The following ADAMTS7 variants were observed in gnomAD, a reference collection of about 807,000 sequenced individuals.
The protein encoded by ADAMTS7 is ADAM metallopeptidase with thrombospondin type 1 motif 7.
A neutral mutation model predicts 172.6 loss-of-function variants in ADAMTS7; 89 were observed. The ratio of observed to expected loss-of-function variants is 0.52; its 90% CI spans 0.43 to 0.61. ADAMTS7 has a LOEUF of 0.61. ADAMTS7 is among the 20% of genes least tolerant of loss of function. The pLI, the probability that ADAMTS7 is intolerant of heterozygous loss-of-function variation, is 0.00. For synonymous variants in ADAMTS7, 885 were observed against 978.4 expected (o/e 0.90, Z 1.78); for missense variants, 1,973 against 2,355.6 (o/e 0.84, Z 3.36).
chr15:78,768,795 T>A (rs1319768702), intron 16 of ADAMTS7, among the ~76,000 whole-genome samples: 6 of 152,076 alleles, frequency 3.9e-5, no homozygotes, highest in African/African-American at 1.4e-4. Context: ...TATTTCCACA[T>A]CCAGGGACCC....
In ADAMTS7 at chr15:78,768,860, G is replaced by A. The variant is rs552289111; in HGVS notation, c.2519-601C>T. On this transcript the variant is annotated intron_variant, in intron 16 of 23. Transcript: ENST00000388820. ...GCCCAGGCTGGGGTGAGGGGTGACC[G>A]GGGCTGGGGCTTCAGCCTTGGGAAC... 2.0e-4 allele frequency among the ~76,000 whole-genome samples: 16 copies of A among 79,732 alleles called. No individual in the cohort carries two copies. The South Asian group carries it at 4.2e-3, about 21-fold the overall frequency. The allele number at this position is 79,732 out of a possible 152,430, so 52.3% of individuals were successfully genotyped here.
intron 18 of ADAMTS7, 132 bp downstream of exon 18, chr15:78,767,247 G>C (rs1292735622): frequency 1.6e-6 from 2 of 1,265,776 alleles, no homozygotes; most frequent in African/African-American, 3.0e-5. Context: ...TGAGGCTTTA[G>C]AGTCAGGGGC....
chr15:78,795,934 G>T (rs952948345), intron 4 of ADAMTS7, among the ~76,000 whole-genome samples: 2 of 152,174 alleles, frequency 1.3e-5, no homozygotes, highest in African/African-American at 4.8e-5. Flanking sequence ...GCTCTGCCCT[G>T]CCTGGTTGTG....
chr15:78,771,930 A>G lies in ADAMTS7; in HGVS notation c.2132-101T>C, dbSNP rs2055258190. The G allele has an allele frequency of 1.3e-6, 2 of 1,491,108 alleles. No individual in the cohort carries two copies. The highest frequency in any genetic ancestry group is 1.4e-5 in the African/African-American group (1 of 72,678). 92.4% of individuals were successfully genotyped at this position (1,491,108 alleles called of 1,614,324 possible). A position where few individuals can be genotyped will look rare whatever the true frequency, so the allele number is the denominator to read the frequency against. ...TCTCCCCACTTGCCTCCGCCTGCTGATGCCAAAGCTTTAAAGTCTGAGCTC... is the reference window on the plus strand; with the variant it reads ...TCTCCCCACTTGCCTCCGCCTGCTGGTGCCAAAGCTTTAAAGTCTGAGCTC... On this transcript the variant is annotated intron_variant, in intron 14 of 23. Coordinates refer to ENST00000388820, the MANE Select transcript of ADAMTS7 (RefSeq NM_014272.5). The surrounding 1 kb of genome is among the most constrained non-coding windows in gnomAD (Gnocchi z 4.9).
intron 23 of ADAMTS7, among the ~76,000 whole-genome samples, chr15:78,760,189 G>A (rs1490391649): frequency 8.0e-4 from 121 of 151,924 alleles, no homozygotes; most frequent in Non-Finnish European, 1.3e-3. Flanking sequence ...ACCAGAGACT[G>A]AGCCCAGCCT....
intron 1 of ADAMTS7, 22 bp from the exon 2 acceptor site, chr15:78,800,569 C>T: frequency 6.4e-7 from 1 of 1,566,398 alleles, no homozygotes. Context: ...GAACCACAAA[C>T]GCCTAGGCCC....
Position 78,762,576 on chromosome 15 carries a change from C to T in ADAMTS7, c.4741-11G>A, listed in dbSNP as rs745566007. ...ACAGGGGCCTGAGCACTGAGGGGAG[C>T]GGGGGAGGAATGAGTGTCTCCAGGG... On this transcript the variant is annotated splice_polypyrimidine_tract_variant and intron_variant, in intron 22 of 23. Transcript: ENST00000388820. 6 of 1,457,644 alleles carry T rather than the reference C, an allele frequency of 4.1e-6. No homozygotes were observed. The highest frequency in any genetic ancestry group is 4.8e-5 in the Admixed American group (2 of 41,756). 90.3% of individuals were successfully genotyped at this position (1,457,644 alleles called of 1,614,324 possible). A position where few individuals can be genotyped will look rare whatever the true frequency, so the allele number is the denominator to read the frequency against.
chr15:78,781,090 T>C (rs1567224095), intron 8 of ADAMTS7, among the ~76,000 whole-genome samples: 2 of 152,204 alleles, frequency 1.3e-5, no homozygotes, highest in African/African-American at 2.4e-5. Context: ...AGCATCTATA[T>C]GCAGGAAGCC....
rs561776356 is a variant in ADAMTS7 at position 78,765,544 on chromosome 15, A to C, written c.4266+101T>G. 1.9e-5 allele frequency: 30 copies of C among 1,554,624 alleles called. No individual in the cohort carries two copies. The African/African-American group carries it at 3.7e-4, about 19-fold the overall frequency. On this transcript the variant is annotated intron_variant, in intron 19 of 23. Transcript: ENST00000388820. The stretch of plus-strand genomic sequence containing the variant: ...GGGAACCCCTGCCCCAAGAGAGGCT[A>C]GACAGACGGCGCCTGTGTCCCACTC...
chr15:78,797,461 G>A (rs1292398725), intron 3 of ADAMTS7, among the ~76,000 whole-genome samples: 1 of 152,216 alleles, frequency 6.6e-6, no homozygotes, highest in Non-Finnish European at 1.5e-5. Flanking sequence ...TGGACTGGCC[G>A]GCACTACTGC....
chr15:78,797,888 A>T, intron 3 of ADAMTS7, 60 bp downstream of exon 3: 1 of 1,550,890 alleles, frequency 6.4e-7, no homozygotes. Flanking sequence ...GCTTCTAGAA[A>T]GGCCCCTTCA....
chr15:78,781,281 C>T (rs2141497178), intron 8 of ADAMTS7, among the ~76,000 whole-genome samples: 1 of 152,288 alleles, frequency 6.6e-6, no homozygotes, highest in East Asian at 1.9e-4. Context: ...GCAAGGAGAC[C>T]AAAGGCTGCA....
chr15:78,773,747 G>A (rs1030366966), intron 13 of ADAMTS7, among the ~76,000 whole-genome samples: 3 of 152,138 alleles, frequency 2.0e-5, no homozygotes, highest in African/African-American at 7.2e-5. Flanking sequence ...GCGGCTCAGA[G>A]CCCTCTGTGT....
At chr15:78,761,767 C>A in intron 23 of ADAMTS7, 1 of 823,354 alleles carries the variant, frequency 1.2e-6, no homozygotes, top group Non-Finnish European at 1.5e-6. Context: ...TGTGCGCGCA[C>A]GCACACATGC....
chr15:78,798,236 G>A (rs1404656454), intron 2 of ADAMTS7, 123 bp from the exon 3 acceptor site: 12 of 914,282 alleles, frequency 1.3e-5, no homozygotes, highest in African/African-American at 1.8e-5. Context: ...GACTGCCCGC[G>A]GACACACTGT....
intron 8 of ADAMTS7, among the ~76,000 whole-genome samples, chr15:78,780,271 C>T (rs2055411267): frequency 1.3e-5 from 2 of 151,908 alleles, no homozygotes; most frequent in African/African-American, 4.8e-5. Context: ...TGGGCAGTCC[C>T]ACAAGAGGTC....
At chr15:78,777,856 G>A (rs1196511925) in intron 8 of ADAMTS7, among the ~76,000 whole-genome samples, 1 of 152,130 alleles carries the variant, frequency 6.6e-6, no homozygotes, top group African/African-American at 2.4e-5. Context: ...CGCTGCCAGG[G>A]CCCTTCCCTC....
At chr15:78,788,103 C>T in intron 8 of ADAMTS7, 128 bp downstream of exon 8, 1 of 1,294,156 alleles carries the variant, frequency 7.7e-7, no homozygotes, top group Non-Finnish European at 1.1e-6. Context: ...AGACCTTGAC[C>T]TCATGTATCA....
In ADAMTS7 at chr15:78,796,789, G is replaced by A. The variant is rs769798297; in HGVS notation, c.623-3C>T. The A allele has an allele frequency of 1.2e-6, 2 of 1,606,184 alleles. No individual in the cohort carries two copies. Among genetic ancestry groups the A allele is most frequent in the African/African-American group, 1.3e-5 (1 of 74,980 alleles). On this transcript the variant is annotated splice_polypyrimidine_tract_variant and splice_region_variant and intron_variant, in intron 3 of 23. Coordinates refer to ENST00000388820, the MANE Select transcript of ADAMTS7 (RefSeq NM_014272.5). ...TCGAGACTCCAGCTCTGGGTACACT[G>A]GAGGCCCAGATGGGGTGGAGTTAGC...
Sources: gnomAD v4.1 joint callset for allele counts (sites outside exome capture counted in the v4.1 genomes callset) on GRCh38, gnomAD v4.1.1 for gene constraint, Gnocchi (gnomAD v3.1) non-coding constraint, MANE v1.5 for transcripts, NCBI Gene and HGNC (gene_info 2026-07-23, HGNC 2026-07-21) for gene names.